The following CIROZ variants were observed in gnomAD, a reference collection of about 807,000 sequenced individuals.
CIROZ encodes the protein ciliated left-right organizer ZP-N domains-containing protein.
chr1:10,970,555 G>A, the CIROZ span, among the ~76,000 whole-genome samples: 1 of 150,664 alleles, frequency 6.6e-6, no homozygotes, highest in African/African-American at 2.4e-5. Flanking sequence ...CTTGAACCTG[G>A]GAGACAGAGG....
At chr1:10,957,105 C>T in the CIROZ span, 1 of 1,548,844 alleles carries the variant, frequency 6.5e-7, no homozygotes, top group Non-Finnish European at 8.7e-7. Context: ...AGGTGTTCAG[C>T]ACCTGGGGAG....
the CIROZ span, chr1:10,949,868 C>G: frequency 1.4e-6 from 2 of 1,449,392 alleles, no homozygotes; most frequent in Non-Finnish European, 1.9e-6. Context: ...AAAATCCTCC[C>G]AACACCCTGC....
the CIROZ span, among the ~76,000 whole-genome samples, chr1:10,950,677 G>C: frequency 8.3e-4 from 126 of 152,322 alleles, 1 homozygote; most frequent in South Asian, 9.5e-3. Flanking sequence ...CAACCAAAAA[G>C]GTCTCCAGAT....
the CIROZ span, chr1:10,958,834 C>T: frequency 2.1e-6 from 3 of 1,421,400 alleles, no homozygotes; most frequent in East Asian, 2.3e-5. Flanking sequence ...CCCATCAGCA[C>T]CGGCAATTAC....
the CIROZ span, among the ~76,000 whole-genome samples, chr1:10,947,142 G>A: frequency 3.9e-5 from 6 of 152,234 alleles, no homozygotes; most frequent in African/African-American, 1.4e-4. Context: ...TCAGGAAACT[G>A]AGGCTCAGAG....
At chr1:10,958,779 C>T in the CIROZ span, 4 of 1,613,268 alleles carry the variant, frequency 2.5e-6, no homozygotes, top group Admixed American at 1.7e-5. Context: ...GAAGCAATGT[C>T]TCCTGCAAGC....
At chr1:10,947,335 C>T in the CIROZ span, among the ~76,000 whole-genome samples, 3,617 of 152,338 alleles carry the variant, frequency 0.024, 146 homozygotes, top group African/African-American at 0.082. Flanking sequence ...CACTGCCCTG[C>T]ACTCAGCGCC....
At chr1:10,980,386 G>A in the CIROZ span, among the ~76,000 whole-genome samples, 2 of 152,248 alleles carry the variant, frequency 1.3e-5, no homozygotes, top group Non-Finnish European at 1.5e-5. Flanking sequence ...TCCCATGGAC[G>A]GCCGGGTACC....
chr1:10,960,513 A>T, the CIROZ span, among the ~76,000 whole-genome samples: 1 of 152,218 alleles, frequency 6.6e-6, no homozygotes, highest in African/African-American at 2.4e-5. This position sits in a 1 kb window ranked among gnomAD's most constrained non-coding sequence, Gnocchi z 4.6. Flanking sequence ...GCCCGTGGAC[A>T]TTCCGCAGGA....
chr1:10,951,672 C>T, the CIROZ span, among the ~76,000 whole-genome samples: 15 of 147,680 alleles, frequency 1.0e-4, no homozygotes, highest in Admixed American at 8.2e-4. Flanking sequence ...TTATAATGAG[C>T]TATGATTGCA....
the CIROZ span, chr1:10,949,204 A>ATT: frequency 4.1e-6 from 1 of 243,430 alleles, no homozygotes; most frequent in Admixed American, 4.9e-5. Flanking sequence ...AGCCTGGATG[A>ATT]CAAAGCAAGA....
chr1:10,968,910 G>A, the CIROZ span, among the ~76,000 whole-genome samples: 3 of 152,216 alleles, frequency 2.0e-5, no homozygotes, highest in Non-Finnish European at 4.4e-5. Context: ...TTGAACAAGC[G>A]TTTTAAGACT....
chr1:10,957,820 A>G, the CIROZ span: 1 of 1,531,032 alleles, frequency 6.5e-7, no homozygotes, highest in African/African-American at 1.4e-5. Flanking sequence ...GGTTACGGAG[A>G]GGGGACACTT....
chr1:10,948,304 C>T, the CIROZ span: 30 of 1,613,638 alleles, frequency 1.9e-5, no homozygotes, highest in East Asian at 4.5e-5. Context: ...TGGGGCTCTC[C>T]GGGAGAACGG....
chr1:10,952,555 A>C, the CIROZ span, among the ~76,000 whole-genome samples: 1 of 152,146 alleles, frequency 6.6e-6, no homozygotes, highest in South Asian at 2.1e-4. Flanking sequence ...TTTTGAGACG[A>C]GTCTTGCTCT....
the CIROZ span, among the ~76,000 whole-genome samples, chr1:10,959,090 C>T: frequency 6.6e-6 from 1 of 152,188 alleles, no homozygotes; most frequent in Admixed American, 6.5e-5. This position sits in a 1 kb window ranked among gnomAD's most constrained non-coding sequence, Gnocchi z 4.3. Flanking sequence ...TCCTAGGCCT[C>T]TTGTCTGTTT....
the CIROZ span, among the ~76,000 whole-genome samples, chr1:10,953,040 G>T: frequency 1.3e-5 from 2 of 152,178 alleles, no homozygotes; most frequent in African/African-American, 4.8e-5. Context: ...AAATTTTCAA[G>T]AAACATTTCC....
chr1:10,957,588 CT>C, the CIROZ span: 1 of 1,611,938 alleles, frequency 6.2e-7, no homozygotes, highest in African/African-American at 1.3e-5. Flanking sequence ...CCCTCACCTC[CT>C]GGCAGAGCCT....
the CIROZ span, chr1:10,949,868 C>T: frequency 2.1e-6 from 3 of 1,449,392 alleles, no homozygotes; most frequent in Admixed American, 6.8e-5. Flanking sequence ...AAAATCCTCC[C>T]AACACCCTGC....
Sources: gnomAD v4.1 joint callset for allele counts (sites outside exome capture counted in the v4.1 genomes callset) on GRCh38, gnomAD v4.1.1 for gene constraint, Gnocchi (gnomAD v3.1) non-coding constraint, MANE v1.5 for transcripts, NCBI Gene and HGNC (gene_info 2026-07-23, HGNC 2026-07-21) for gene names.